CTNNAL1: variants seen among roughly 807,000 people sequenced by gnomAD.
The protein encoded by CTNNAL1 is alpha-catulin.
In CTNNAL1, 69 loss-of-function variants were observed where a neutral mutation model predicts 93.6. The ratio of observed to expected loss-of-function variants is 0.74; its 90% CI spans 0.61 to 0.90. CTNNAL1 has a LOEUF of 0.90. CTNNAL1 is among the 40% of genes least tolerant of loss of function. The pLI, the probability that CTNNAL1 is intolerant of heterozygous loss-of-function variation, is 0.00. For missense variants in CTNNAL1, 836 were observed against 862.0 expected (o/e 0.97, Z 0.38); for synonymous variants, 286 against 305.4 (o/e 0.94, Z 0.66).
intron 3 of CTNNAL1, chr9:108,992,214 A>T (rs1831836467): frequency 3.5e-6 from 2 of 566,624 alleles, no homozygotes; most frequent in Admixed American, 3.4e-5. Context: ...ACAAGTGGAT[A>T]ATGATTCTCT....
intron 12 of CTNNAL1, among the ~76,000 whole-genome samples, chr9:108,954,438 G>GT (rs1830641192): frequency 1.3e-5 from 2 of 152,138 alleles, no homozygotes; most frequent in African/African-American, 2.4e-5. Flanking sequence ...TAAAAGCTTT[G>GT]TGATGCCTTT....
At chr9:108,996,346 G>C (rs370323287) in intron 2 of CTNNAL1, among the ~76,000 whole-genome samples, 3 of 152,188 alleles carry the variant, frequency 2.0e-5, no homozygotes, top group Non-Finnish European at 4.4e-5. Flanking sequence ...CGTAGGGGTT[G>C]AGTGGGCTAG....
intron 15 of CTNNAL1, among the ~76,000 whole-genome samples, chr9:108,944,242 G>A (rs1830332006): frequency 6.6e-6 from 1 of 152,118 alleles, no homozygotes; most frequent in Non-Finnish European, 1.5e-5. Flanking sequence ...CCCTGGAGAG[G>A]CTTCTCTACA....
intron 2 of CTNNAL1, among the ~76,000 whole-genome samples, chr9:108,994,702 T>C (rs371214827): frequency 6.6e-5 from 10 of 152,314 alleles, no homozygotes; most frequent in African/African-American, 2.4e-4. Context: ...CCTACTGTTA[T>C]TGACAACCTT....
At chr9:108,970,639 TTATAA>T (rs1831087918) in intron 9 of CTNNAL1, 145 bp from the exon 10 acceptor site, 4 of 617,666 alleles carry the variant, frequency 6.5e-6, no homozygotes, top group South Asian at 6.4e-5. Flanking sequence ...GAGAAGATTA[TTATAA>T]TATTATATTG....
chr9:109,004,489 T>C (rs1019289638), intron 1 of CTNNAL1, among the ~76,000 whole-genome samples: 5 of 152,186 alleles, frequency 3.3e-5, no homozygotes, highest in African/African-American at 9.6e-5. Context: ...TGACTTATAA[T>C]GTTAGTAAGA....
At chr9:108,994,735 T>A (rs984499808) in intron 2 of CTNNAL1, among the ~76,000 whole-genome samples, 1 of 152,154 alleles carries the variant, frequency 6.6e-6, no homozygotes, top group African/African-American at 2.4e-5. Flanking sequence ...CCCTCCCACA[T>A]CATACCAGGG....
chr9:109,001,386 T>TA (rs924722689), intron 1 of CTNNAL1, among the ~76,000 whole-genome samples: 6 of 152,172 alleles, frequency 3.9e-5, no homozygotes, highest in African/African-American at 1.4e-4. Flanking sequence ...GTAGTGGTTT[T>TA]AAAACATGTC....
chr9:108,990,873 T>C, intron 3 of CTNNAL1, 28 bp from the exon 4 acceptor site: 1 of 1,602,060 alleles, frequency 6.2e-7, no homozygotes. Context: ...ATTCATTATT[T>C]GGTGAGAGCT....
intron 6 of CTNNAL1, among the ~76,000 whole-genome samples, chr9:108,980,907 T>C (rs1213629327): frequency 6.6e-6 from 1 of 152,204 alleles, no homozygotes; most frequent in East Asian, 1.9e-4. Flanking sequence ...TTTACTGATA[T>C]GGTTTCATAA....
chr9:108,972,864 G>GGGGGGGGCGCCCCCCC, intron 8 of CTNNAL1, 31 bp from the exon 9 acceptor site: 3 of 142,504 alleles, frequency 2.1e-5, no homozygotes, highest in Non-Finnish European at 3.0e-5. Flanking sequence ...GGGGGGGTGG[G>GGGGGGGGCGCCCCCCC]AGGGTGGAGA....
At chr9:108,972,914 T>C (rs1220565698) in intron 8 of CTNNAL1, 81 bp from the exon 9 acceptor site, 5 of 1,432,940 alleles carry the variant, frequency 3.5e-6, no homozygotes, top group South Asian at 1.4e-5. Context: ...AACAATAACA[T>C]TTTGTGACCA....
At chr9:108,996,161 C>T (rs1217891064) in intron 2 of CTNNAL1, among the ~76,000 whole-genome samples, 1 of 151,890 alleles carries the variant, frequency 6.6e-6, no homozygotes, top group Admixed American at 6.6e-5. Context: ...GAGACAGGGA[C>T]TCATTATGTT....
At chr9:108,984,709 G>A (rs985692824) in intron 4 of CTNNAL1, among the ~76,000 whole-genome samples, 3 of 152,160 alleles carry the variant, frequency 2.0e-5, no homozygotes, top group Non-Finnish European at 2.9e-5. Flanking sequence ...ACATTCTGGT[G>A]TTCTGTCATA....
At chr9:108,974,663 C>T (rs1458270398) in intron 8 of CTNNAL1, among the ~76,000 whole-genome samples, 3 of 152,050 alleles carry the variant, frequency 2.0e-5, no homozygotes, top group Non-Finnish European at 4.4e-5. Flanking sequence ...TAGTGAGACC[C>T]TATCTCTACA....
At chr9:109,011,807 T>C (rs950339790) in intron 1 of CTNNAL1, among the ~76,000 whole-genome samples, 2 of 152,270 alleles carry the variant, frequency 1.3e-5, no homozygotes, top group Non-Finnish European at 2.9e-5. Context: ...ATGATTGTTA[T>C]GAGAATTAAT....
At chr9:108,992,292 T>C (rs1831838434) in intron 3 of CTNNAL1, among the ~76,000 whole-genome samples, 1 of 152,106 alleles carries the variant, frequency 6.6e-6, no homozygotes, top group Non-Finnish European at 1.5e-5. Context: ...ATTGCACATA[T>C]AGAAGAAACA....
chr9:108,972,596 T>C, intron 9 of CTNNAL1, 79 bp downstream of exon 9: 1 of 1,235,226 alleles, frequency 8.1e-7, no homozygotes, highest in Non-Finnish European at 1.1e-6. Context: ...AACCCAAAAC[T>C]GTATTTGTGT....
At chr9:108,982,433 C>A (rs12340116) in intron 6 of CTNNAL1, among the ~76,000 whole-genome samples, 2 of 151,998 alleles carry the variant, frequency 1.3e-5, no homozygotes, top group Non-Finnish European at 2.9e-5. Context: ...TCTCAAAGTA[C>A]CAACCCTCTA....
Sources: gnomAD v4.1 joint callset for allele counts (sites outside exome capture counted in the v4.1 genomes callset) on GRCh38, gnomAD v4.1.1 for gene constraint, MANE v1.5 for transcripts, NCBI Gene and HGNC (gene_info 2026-07-23, HGNC 2026-07-21) for gene names.